Variants in SCD observed in about 807,000 individuals in gnomAD.
The protein encoded by SCD is acyl-CoA desaturase.
Under a neutral mutation model 35.7 loss-of-function variants are expected in SCD, and 4 were observed. The ratio of observed to expected loss-of-function variants is 0.11; its 90% CI spans 0.06 to 0.26. The LOEUF (loss-of-function observed/expected upper bound fraction) is 0.26, where lower values mean the gene tolerates loss of function less well. SCD is among the 10% of genes least tolerant of loss of function. SCD has a pLI of 1.00. For missense variants in SCD, 282 were observed against 460.7 expected, an observed-to-expected ratio of 0.61 and a Z score of 3.55; for synonymous variants, 150 against 170.2, an observed-to-expected ratio of 0.88 and a Z score of 0.92.
chr10:100,350,715 G>A (rs1339484791), intron 2 of SCD, among the ~76,000 whole-genome samples: 1 of 152,140 alleles, frequency 6.6e-6, no homozygotes, highest in Non-Finnish European at 1.5e-5. Context: ...AGTCAACACT[G>A]CCCTAGGGTC....
Position 100,362,723 on chromosome 10 carries a change from T to C in SCD, c.*1790T>C, listed in dbSNP as rs202167951. 1 of 152,292 alleles carries C rather than the reference T, an allele frequency of 6.6e-6. No homozygotes were observed. The highest frequency in any genetic ancestry group is 1.5e-5 in the Non-Finnish European group (1 of 68,078). The allele number at this position is 152,292 out of a possible 1,614,324, so 9.4% of individuals were successfully genotyped here. The stretch of plus-strand genomic sequence containing the variant: ...TCCGCAGTGTCTCCACCTACACCCC[T>C]GTGCTCCCCTGCCACACTGATGGCT... On this transcript the variant is annotated 3_prime_UTR_variant, in exon 6 of 6. Coordinates refer to ENST00000370355, the MANE Select transcript of SCD (RefSeq NM_005063.5).
Position 100,352,168 on chromosome 10 carries a change from G to T in SCD, c.311-198G>T, listed in dbSNP as rs967911579. Among the ~76,000 whole-genome samples the T allele has an allele frequency of 6.6e-6, 1 of 152,026 alleles. No individual in the cohort carries two copies. Among genetic ancestry groups the T allele is most frequent in the Non-Finnish European group, 1.5e-5 (1 of 68,004 alleles). On this transcript the variant is annotated intron_variant, in intron 2 of 5. Transcript: ENST00000370355. This position sits in a 1 kb window ranked among gnomAD's most constrained non-coding sequence, Gnocchi z 4.2. ...ATTCTTTAGCTTATCTTTTTTTCCT[G>T]GGTTGAGAGGTTGGGGGGTGATATT...
At chr10:100,350,985 G>A (rs946101327) in intron 2 of SCD, among the ~76,000 whole-genome samples, 8 of 152,150 alleles carry the variant, frequency 5.3e-5, no homozygotes, top group Non-Finnish European at 1.5e-5. Flanking sequence ...AGGTAGGGTT[G>A]GGGGGAAAAG....
intron 5 of SCD, among the ~76,000 whole-genome samples, chr10:100,357,550 C>T (rs1386606508): frequency 6.6e-6 from 1 of 152,194 alleles, no homozygotes; most frequent in Non-Finnish European, 1.5e-5. Context: ...CCCCAACATG[C>T]CTTCAGGAAT....
At position 100,360,907 on chromosome 10, in the gene SCD, G is replaced by A; in HGVS notation, c.1054G>A (p.Gly352Arg). The change falls in exon 6 of 6, where the codon GGA becomes AGA. Residue 352 changes from glycine to arginine, a missense_variant. Gly to Arg is a moderately radical substitution (Grantham distance 125). Transcript: ENST00000370355. ...AAILARIKRT[G>R]DGNYKSG ...CATCTTGGCCAGGATTAAAAGAACCGGAGATGGAAACTACAAGAGTGGCTG... is the reference window on the plus strand; with the variant it reads ...CATCTTGGCCAGGATTAAAAGAACCAGAGATGGAAACTACAAGAGTGGCTG... The A allele has an allele frequency of 2.5e-6, 4 of 1,613,976 alleles. No individual in the cohort carries two copies. The highest frequency in any genetic ancestry group is 2.2e-5 in the East Asian group (1 of 44,886).
chr10:100,361,118 TGATA>T lies in SCD; in HGVS notation c.*186_*189del. 1.7e-6 allele frequency: 1 copy of T among 599,734 alleles called. No individual in the cohort carries two copies. The highest frequency in any genetic ancestry group is 2.9e-6 in the Non-Finnish European group (1 of 341,582). 37.2% of individuals were successfully genotyped at this position (599,734 alleles called of 1,614,324 possible). A position where few individuals can be genotyped will look rare whatever the true frequency, so the allele number is the denominator to read the frequency against. On this transcript the variant is annotated 3_prime_UTR_variant, in exon 6 of 6. Coordinates refer to ENST00000370355, the MANE Select transcript of SCD (RefSeq NM_005063.5). ...CAACTCTGCCTTTATGATGCTAAGC[TGATA>T]TTATTTCTTCTCTTATCCTCTCTCT...
At chr10:100,354,359 G>A in intron 3 of SCD, 68 bp from the exon 4 acceptor site, 2 of 1,389,682 alleles carry the variant, frequency 1.4e-6, no homozygotes, top group East Asian at 2.3e-5. Context: ...CTTGATACCT[G>A]TCCATTGGGA....
At chr10:100,355,434 A>C (rs1849918308) in intron 4 of SCD, among the ~76,000 whole-genome samples, 1 of 152,210 alleles carries the variant, frequency 6.6e-6, no homozygotes, top group Admixed American at 6.5e-5. Flanking sequence ...CTTTTGCTTG[A>C]AGTATAGGGT....
rs993407103 is a variant in SCD, at chr10:100,364,592, G to A, written c.*3659G>A. 2 of 152,600 alleles carry A rather than the reference G, an allele frequency of 1.3e-5. No homozygotes were observed. Among genetic ancestry groups the A allele is most frequent in the African/African-American group, 2.4e-5 (1 of 41,456 alleles). The allele number at this position is 152,600 out of a possible 1,614,324, so 9.5% of individuals were successfully genotyped here. A position where few individuals can be genotyped will look rare whatever the true frequency, so the allele number is the denominator to read the frequency against. On this transcript the variant is annotated 3_prime_UTR_variant, in exon 6 of 6. Coordinates refer to ENST00000370355, the MANE Select transcript of SCD (RefSeq NM_005063.5). ...GAAACTGAATGAATCCATTGGAGAA[G>A]CGGTGGATAACTAGCCAGACAAAAT...
At chr10:100,353,836 G>A (rs955274498) in intron 3 of SCD, among the ~76,000 whole-genome samples, 1 of 152,224 alleles carries the variant, frequency 6.6e-6, no homozygotes, top group Admixed American at 6.5e-5. Context: ...GGAGCAAAAG[G>A]AAGGAAGAGA....
chr10:100,355,412 A>T (rs1425480524), intron 4 of SCD, among the ~76,000 whole-genome samples: 1 of 152,234 alleles, frequency 6.6e-6, no homozygotes, highest in Non-Finnish European at 1.5e-5. Context: ...AGCATGTTCC[A>T]GCAATAGAGT....
chr10:100,356,766 T>C lies in SCD; in HGVS notation c.880+2T>C. ...TCCTGGTTTCACTTGGAGCTGTGGGTAAGTCAGCTGTCCAAGTAAGACTAC... is the reference window on the plus strand; with the variant it reads ...TCCTGGTTTCACTTGGAGCTGTGGGCAAGTCAGCTGTCCAAGTAAGACTAC... On this transcript the variant is annotated splice_donor_variant, in intron 5 of 5. Coordinates refer to ENST00000370355, the MANE Select transcript of SCD (RefSeq NM_005063.5). LOFTEE classifies it high-confidence loss of function. The surrounding 1 kb of genome is among the most constrained non-coding windows in gnomAD (Gnocchi z 4.1). 1 of 1,612,046 alleles carries C rather than the reference T, an allele frequency of 6.2e-7. No individual in the cohort carries two copies. The highest frequency in any genetic ancestry group is 8.5e-7 in the Non-Finnish European group (1 of 1,178,152).
At position 100,348,045 on chromosome 10, in the gene SCD, C is replaced by T. The variant is rs201935948; in HGVS notation, c.28-19C>T. On this transcript the variant is annotated intron_variant, in intron 1 of 5. Coordinates refer to ENST00000370355, the MANE Select transcript of SCD (RefSeq NM_005063.5). ...CCACGTGTCTCTTCTCCTGACTCTC[C>T]TCTTCCTCCCCCTTCCAGATCTCTA... The T allele has an allele frequency of 7.8e-5, 126 of 1,609,712 alleles. No homozygotes were observed. The highest frequency in any genetic ancestry group is 1.0e-4 in the Non-Finnish European group (123 of 1,177,934).
At chr10:100,350,347 A>C (rs1216300912) in intron 2 of SCD, among the ~76,000 whole-genome samples, 1 of 152,158 alleles carries the variant, frequency 6.6e-6, no homozygotes. Flanking sequence ...CCCTATGGAC[A>C]ATGTTAAATT....
intron 2 of SCD, among the ~76,000 whole-genome samples, chr10:100,351,344 G>A (rs1043080533): frequency 4.7e-5 from 5 of 106,956 alleles, no homozygotes; most frequent in Non-Finnish European, 9.8e-5. Context: ...TCTAGAGAGC[G>A]TTGCCCGGTG....
chr10:100,360,954 C>T lies in SCD; in HGVS notation c.*21C>T. On this transcript the variant is annotated 3_prime_UTR_variant, in exon 6 of 6. Transcript: ENST00000370355. The stretch of plus-strand genomic sequence containing the variant: ...GCTGAGTTTGGGGTCCCTCAGGTTC[C>T]TTTTTCAAAAACCAGCCAGGCAGAG... 1 of 1,609,086 alleles carries T rather than the reference C, an allele frequency of 6.2e-7. No individual in the cohort carries two copies. Among genetic ancestry groups the T allele is most frequent in the Non-Finnish European group, 8.5e-7 (1 of 1,176,894 alleles).
intron 5 of SCD, among the ~76,000 whole-genome samples, chr10:100,359,540 A>G (rs978745256): frequency 6.6e-6 from 1 of 152,192 alleles, no homozygotes. Flanking sequence ...ATTAATGGAC[A>G]TTAATAATCC....
At chr10:100,358,876 C>T (rs1849960127) in intron 5 of SCD, among the ~76,000 whole-genome samples, 1 of 151,964 alleles carries the variant, frequency 6.6e-6, no homozygotes, top group Admixed American at 6.6e-5. Context: ...TGCAATGAGC[C>T]GAGATTGTGC....
intron 5 of SCD, among the ~76,000 whole-genome samples, chr10:100,358,680 G>T (rs979848929): frequency 6.6e-6 from 1 of 151,046 alleles, no homozygotes; most frequent in African/African-American, 2.4e-5. Flanking sequence ...AAGCCAAAGT[G>T]GGTGGTTCAC....
Sources: gnomAD v4.1 joint callset for allele counts (sites outside exome capture counted in the v4.1 genomes callset) on GRCh38, gnomAD v4.1.1 for gene constraint, Gnocchi (gnomAD v3.1) non-coding constraint, MANE v1.5 for transcripts, NCBI Gene and HGNC (gene_info 2026-07-23, HGNC 2026-07-21) for gene names.